ARFIP1: variants seen among roughly 807,000 people sequenced by gnomAD.
ARFIP1 encodes the protein ARF interacting protein 1.
In ARFIP1, 24 loss-of-function variants were observed where a neutral mutation model predicts 42.5. The observed-to-expected ratio is 0.57, with a 90% confidence interval of 0.41 to 0.80. ARFIP1 has a LOEUF of 0.80. Ranked by LOEUF, ARFIP1 falls within the 30% of genes least tolerant of loss-of-function variation. ARFIP1 has a pLI of 0.00. For synonymous variants in ARFIP1, 141 were observed against 153.7 expected (o/e 0.92, Z 0.61); for missense variants, 354 against 434.0 (o/e 0.82, Z 1.64).
chr4:152,843,372 GCT>G (rs1348774560), intron 2 of ARFIP1, among the ~76,000 whole-genome samples: 1 of 152,162 alleles, frequency 6.6e-6, no homozygotes, highest in Non-Finnish European at 1.5e-5. Flanking sequence ...GTGGTTTAAT[GCT>G]CTGTTTTTGT....
intron 1 of ARFIP1, among the ~76,000 whole-genome samples, chr4:152,784,609 C>T (rs901089697): frequency 3.9e-5 from 6 of 152,200 alleles, no homozygotes; most frequent in Non-Finnish European, 2.9e-5. Flanking sequence ...TCTAGTATGA[C>T]TGTCGGTTCA....
chr4:152,882,200 G>A (rs1230429173), intron 6 of ARFIP1, among the ~76,000 whole-genome samples: 3 of 152,114 alleles, frequency 2.0e-5, no homozygotes, highest in African/African-American at 7.2e-5. Flanking sequence ...TCAGTTGTGT[G>A]CCTAAATAGA....
intron 5 of ARFIP1, among the ~76,000 whole-genome samples, chr4:152,877,824 G>A (rs566801342): frequency 6.6e-6 from 1 of 152,126 alleles, no homozygotes; most frequent in African/African-American, 2.4e-5. Flanking sequence ...TTTATCAGGG[G>A]TTTCCGATTT....
intron 8 of ARFIP1, among the ~76,000 whole-genome samples, chr4:152,905,584 A>G (rs1464396672): frequency 3.2e-4 from 15 of 47,058 alleles, no homozygotes; most frequent in Non-Finnish European, 1.2e-4. Context: ...ATGGAGTTTC[A>G]CTCTGTTGTC....
intron 1 of ARFIP1, among the ~76,000 whole-genome samples, chr4:152,783,967 A>G (rs1730651612): frequency 1.3e-5 from 2 of 152,196 alleles, no homozygotes; most frequent in Non-Finnish European, 2.9e-5. Context: ...GGAAAATGTG[A>G]AAATGAAGAT....
At chr4:152,823,075 C>CA (rs1050522632) in intron 1 of ARFIP1, among the ~76,000 whole-genome samples, 2 of 150,878 alleles carry the variant, frequency 1.3e-5, no homozygotes, top group African/African-American at 2.4e-5. Flanking sequence ...GAAATTGAAA[C>CA]AAAAAAATAC....
At chr4:152,789,080 CTTTTTTT>C (rs71598215) in intron 1 of ARFIP1, among the ~76,000 whole-genome samples, 1 of 71,858 alleles carries the variant, frequency 1.4e-5, no homozygotes, top group East Asian at 4.0e-4. Context: ...AGAATACAGA[CTTTTTTT>C]TTTTTTTTTT....
rs563096959 is a variant in ARFIP1, at chr4:152,790,789, A to G, written c.-10+10563A>G. ...CAATCTGTTGCCCAGGCTGGAGTGT[A>G]GTGTCACAGTCTCGGCTTACTGCAA... On this transcript the variant is annotated intron_variant, in intron 1 of 8. Transcript: ENST00000353617. 1.6e-3 allele frequency among the ~76,000 whole-genome samples: 204 copies of G among 123,984 alleles called. 2 individuals are homozygous for G. Among genetic ancestry groups the G allele is most frequent in the Non-Finnish European group, 2.7e-3 (170 of 64,140 alleles). 81.3% of individuals were successfully genotyped at this position (123,984 alleles called of 152,430 possible).
At chr4:152,831,342 A>G (rs758807589) in intron 2 of ARFIP1, among the ~76,000 whole-genome samples, 14 of 152,220 alleles carry the variant, frequency 9.2e-5, no homozygotes, top group African/African-American at 3.4e-4. Flanking sequence ...TTAAAAGACA[A>G]TCTGATGAAA....
intron 7 of ARFIP1, 117 bp from the exon 8 acceptor site, chr4:152,888,016 G>A (rs1286192357): frequency 1.5e-6 from 1 of 660,140 alleles, no homozygotes; most frequent in Admixed American, 3.6e-5. Flanking sequence ...GAATATGTGT[G>A]AGAATTTTAT....
chr4:152,876,390 G>GC (rs1460122921), intron 5 of ARFIP1, among the ~76,000 whole-genome samples: 1 of 152,186 alleles, frequency 6.6e-6, no homozygotes, highest in East Asian at 1.9e-4. Flanking sequence ...GCGGCATTTT[G>GC]CCCCTACCCT....
chr4:152,787,080 G>A (rs1730853286), intron 1 of ARFIP1, among the ~76,000 whole-genome samples: 1 of 152,112 alleles, frequency 6.6e-6, no homozygotes, highest in Non-Finnish European at 1.5e-5. Flanking sequence ...CTTCATGAAG[G>A]TAAGGTCCAT....
intron 1 of ARFIP1, among the ~76,000 whole-genome samples, chr4:152,787,672 T>G (rs1452894920): frequency 6.6e-6 from 1 of 152,240 alleles, no homozygotes; most frequent in East Asian, 1.9e-4. Flanking sequence ...GTATACAAAC[T>G]TTGTTTCATG....
At chr4:152,884,872 C>A (rs187369751) in intron 7 of ARFIP1, among the ~76,000 whole-genome samples, 2 of 152,052 alleles carry the variant, frequency 1.3e-5, no homozygotes, top group Admixed American at 1.3e-4. Flanking sequence ...TATATAGGTT[C>A]ATTTGGAACT....
chr4:152,857,201 T>G (rs1733516753), intron 2 of ARFIP1, among the ~76,000 whole-genome samples: 3 of 152,196 alleles, frequency 2.0e-5, no homozygotes, highest in Admixed American at 1.3e-4. Context: ...AGGAAATGAG[T>G]GAATGGGATA....
intron 3 of ARFIP1, among the ~76,000 whole-genome samples, 184 bp from the exon 4 acceptor site, chr4:152,870,569 A>G (rs1255531169): frequency 6.6e-6 from 1 of 152,364 alleles, no homozygotes; most frequent in East Asian, 1.9e-4. Context: ...GTTTATATAA[A>G]AACTGAGCCT....
In ARFIP1 at chr4:152,882,874, G is replaced by A. The variant is rs1361047223; in HGVS notation, c.785G>A (p.Ser262Asn). Residue 262 changes from serine (S) to asparagine (N), a missense_variant, in exon 7 of 9, where the codon AGT (serine) becomes AAT (asparagine). Physicochemically the swap from Ser to Asn is conservative, Grantham distance 46. Transcript: ENST00000353617. ...TTAATGACTGTGAAACAGTATGAAA[G>A]TGCCAGGTAAGGTATACATTTTCAC... Reference protein sequence around the residue: ...DTLMTVKQYESARIEYDAYRT... With the variant: ...DTLMTVKQYENARIEYDAYRT... 4 of 1,605,320 alleles carry A rather than the reference G, an allele frequency of 2.5e-6. No individual in the cohort carries two copies. Among genetic ancestry groups the A allele is most frequent in the African/African-American group, 1.3e-5 (1 of 74,170 alleles).
chr4:152,895,946 A>G (rs1421384746), intron 8 of ARFIP1, among the ~76,000 whole-genome samples: 1 of 152,180 alleles, frequency 6.6e-6, no homozygotes, highest in Non-Finnish European at 1.5e-5. Context: ...ATAGTCAAGT[A>G]AGACAGATAG....
At chr4:152,838,995 T>G (rs1731864580) in intron 2 of ARFIP1, among the ~76,000 whole-genome samples, 2 of 152,220 alleles carry the variant, frequency 1.3e-5, no homozygotes, top group Admixed American at 6.5e-5. Context: ...CATAAAGTGA[T>G]GCTGGATTTT....
Sources: gnomAD v4.1 joint callset for allele counts (sites outside exome capture counted in the v4.1 genomes callset) on GRCh38, gnomAD v4.1.1 for gene constraint, MANE v1.5 for transcripts, NCBI Gene and HGNC (gene_info 2026-07-23, HGNC 2026-07-21) for gene names.